CAST: variants seen among roughly 807,000 people sequenced by gnomAD.
The protein encoded by CAST is calpastatin, also known as MIR583 host.
In CAST, 76 loss-of-function variants were observed where a neutral mutation model predicts 119.6. That is an observed-to-expected ratio of 0.64 (90% CI 0.53 to 0.77). The LOEUF is 0.77. Ranked by LOEUF, CAST falls within the 30% of genes least tolerant of loss-of-function variation. The pLI is 0.00. For synonymous variants in CAST, 319 were observed against 331.6 expected, an observed-to-expected ratio of 0.96 and a Z score of 0.41; for missense variants, 953 against 946.5, an observed-to-expected ratio of 1.01 and a Z score of -0.09.
chr5:96,475,050 G>A, the CAST span, among the ~76,000 whole-genome samples: 1 of 152,208 alleles, frequency 6.6e-6, no homozygotes. Flanking sequence ...CTTGCCCTTT[G>A]GTTGGGGCTA....
chr5:96,448,193 A>G, the CAST span, among the ~76,000 whole-genome samples: 2 of 152,314 alleles, frequency 1.3e-5, no homozygotes, highest in East Asian at 3.9e-4. Context: ...GCGTATTAAC[A>G]TGTCTGGGGG....
At chr5:96,570,183 G>A (rs1311731464) in intron 1 of CAST, among the ~76,000 whole-genome samples, 1 of 152,192 alleles carries the variant, frequency 6.6e-6, no homozygotes, top group Non-Finnish European at 1.5e-5. Flanking sequence ...TTAGGAAGAG[G>A]ACTTGTCTTT....
At chr5:96,602,223 T>C (rs778299919) in intron 1 of CAST, among the ~76,000 whole-genome samples, 6 of 152,216 alleles carry the variant, frequency 3.9e-5, no homozygotes, top group Non-Finnish European at 8.8e-5. Context: ...CAAGTGTACA[T>C]AGCTAATGTT....
At chr5:96,504,378 A>T in the CAST span, among the ~76,000 whole-genome samples, 4 of 152,332 alleles carry the variant, frequency 2.6e-5, no homozygotes, top group African/African-American at 9.6e-5. Flanking sequence ...CCAAGAGGTA[A>T]CACAGATGTG....
intron 1 of CAST, among the ~76,000 whole-genome samples, chr5:96,674,674 T>C (rs969201741): frequency 1.3e-5 from 2 of 152,204 alleles, no homozygotes; most frequent in Non-Finnish European, 2.9e-5. Context: ...CACGTAAAAA[T>C]ATTTGCATTA....
chr5:96,456,367 A>G, the CAST span, among the ~76,000 whole-genome samples: 1,955 of 152,338 alleles, frequency 0.013, 34 homozygotes, highest in East Asian at 0.037. Context: ...GCATGCTATC[A>G]TGAAAACCTC....
the CAST span, chr5:96,412,889 G>GGGGCCC: frequency 3.0e-6 from 1 of 329,994 alleles, no homozygotes; most frequent in Non-Finnish European, 4.6e-6. Context: ...CAAAATGTTT[G>GGGGCCC]CCCTCCCTCC....
intron 1 of CAST, among the ~76,000 whole-genome samples, chr5:96,534,743 A>AGAGAGAGAGAAAG (rs1554066267): frequency 1.6e-4 from 9 of 56,550 alleles, no homozygotes; most frequent in Non-Finnish European, 2.7e-4. Context: ...GAGAGAGAGA[A>AGAGAGAGAGAAAG]AGAAAGAAAG....
chr5:96,379,812 T>A, the CAST span, among the ~76,000 whole-genome samples: 1 of 152,230 alleles, frequency 6.6e-6, no homozygotes, highest in African/African-American at 2.4e-5. Flanking sequence ...TTGGCCATTT[T>A]GTTAAAGATC....
intron 1 of CAST, among the ~76,000 whole-genome samples, chr5:96,557,948 G>C (rs1203291633): frequency 1.3e-5 from 2 of 152,180 alleles, no homozygotes; most frequent in Non-Finnish European, 2.9e-5. Flanking sequence ...TGACCACATA[G>C]TTGGAAGTAA....
intron 3 of CAST, among the ~76,000 whole-genome samples, chr5:96,708,952 C>T (rs1032583789): frequency 6.6e-6 from 1 of 152,210 alleles, no homozygotes; most frequent in Non-Finnish European, 1.5e-5. Context: ...TGAAATTCAC[C>T]TTCAATGAAG....
At chr5:96,316,961 T>TTAAAA in the CAST span, among the ~76,000 whole-genome samples, 1 of 151,426 alleles carries the variant, frequency 6.6e-6, no homozygotes, top group African/African-American at 2.4e-5. Flanking sequence ...AATGTTGAAC[T>TTAAAA]GGGAATGGTT....
the CAST span, among the ~76,000 whole-genome samples, chr5:96,055,384 T>C: frequency 6.6e-6 from 1 of 152,220 alleles, no homozygotes; most frequent in Non-Finnish European, 1.5e-5. Context: ...AGTTTATTTG[T>C]TAAATGCATC....
At chr5:96,229,248 T>C in the CAST span, among the ~76,000 whole-genome samples, 1 of 150,822 alleles carries the variant, frequency 6.6e-6, no homozygotes, top group Non-Finnish European at 1.5e-5. Flanking sequence ...TTTAGTTAGT[T>C]ATGTGAAGGA....
chr5:96,516,770 T>G, the CAST span, among the ~76,000 whole-genome samples: 8 of 152,356 alleles, frequency 5.3e-5, no homozygotes, highest in African/African-American at 1.9e-4. Context: ...AACGCACTTC[T>G]ACTTCTAACA....
At chr5:96,367,999 T>G in the CAST span, among the ~76,000 whole-genome samples, 1 of 152,082 alleles carries the variant, frequency 6.6e-6, no homozygotes, top group Non-Finnish European at 1.5e-5. Flanking sequence ...AACATGTTCC[T>G]CATTGTCCTT....
At chr5:96,073,170 T>C in the CAST span, among the ~76,000 whole-genome samples, 1 of 152,226 alleles carries the variant, frequency 6.6e-6, no homozygotes, top group African/African-American at 2.4e-5. Flanking sequence ...CAGTATGACA[T>C]GTCCACATAA....
At chr5:96,191,679 T>C in the CAST span, among the ~76,000 whole-genome samples, 78,110 of 152,064 alleles carry the variant, frequency 0.51, 21,429 homozygotes, top group African/African-American at 0.7. Context: ...AAGCGACTCT[T>C]CTCCCTCAGT....
chr5:96,470,375 A>G, the CAST span, among the ~76,000 whole-genome samples: 1 of 152,042 alleles, frequency 6.6e-6, no homozygotes, highest in Admixed American at 6.6e-5. Context: ...CATGCACTAT[A>G]GCAGTAACCA....
Sources: allele counts gnomAD v4.1 joint callset (sites outside exome capture counted in the v4.1 genomes callset), GRCh38; gene constraint gnomAD v4.1.1; transcripts MANE v1.5; gene names NCBI Gene and HGNC (gene_info 2026-07-23, HGNC 2026-07-21).